Variants in NCK2 observed in about 807,000 individuals in gnomAD.
NCK2 encodes the protein cytoplasmic protein NCK2.
Under a neutral mutation model 33.9 loss-of-function variants are expected in NCK2, and 16 were observed. That is an observed-to-expected ratio of 0.47 (90% CI 0.32 to 0.72). The LOEUF (loss-of-function observed/expected upper bound fraction) is 0.72. Ranked by LOEUF, NCK2 falls within the 30% of genes least tolerant of loss-of-function variation. The pLI, the probability that NCK2 is intolerant of heterozygous loss-of-function variation, is 0.03. For synonymous variants in NCK2, 273 were observed against 239.9 expected, an observed-to-expected ratio of 1.14 and a Z score of -1.27; for missense variants, 418 against 537.3, an observed-to-expected ratio of 0.78 and a Z score of 2.19.
At chr2:105,761,169 C>T (rs1306044881) in intron 1 of NCK2, among the ~76,000 whole-genome samples, 3 of 152,192 alleles carry the variant, frequency 2.0e-5, no homozygotes, top group African/African-American at 7.2e-5. Flanking sequence ...TTCTGGGCAG[C>T]AGGGTTGTGC....
In NCK2 at chr2:105,751,254, C is replaced by A. The variant is rs534688456; in HGVS notation, c.-201+6116C>A. On this transcript the variant is annotated intron_variant, in intron 1 of 4. Coordinates refer to ENST00000233154, the MANE Select transcript of NCK2 (RefSeq NM_003581.5). ...ACTCGGTTATCCTTGAATTCTCCCT[C>A]AGCTCCCAACTAGTTATCAACCCCT... Among the ~76,000 whole-genome samples the A allele has an allele frequency of 3.9e-5, 6 of 152,346 alleles. No individual in the cohort carries two copies. In the East Asian group the frequency reaches 1.2e-3, roughly 29 times the overall value.
intron 1 of NCK2, among the ~76,000 whole-genome samples, chr2:105,811,987 C>T (rs1675309155): frequency 6.6e-6 from 1 of 152,156 alleles, no homozygotes; most frequent in African/African-American, 2.4e-5. Flanking sequence ...CAAACACCTG[C>T]CTTGGCCACT....
In NCK2 at chr2:105,765,145, A is replaced by T. The variant is rs185329573; in HGVS notation, c.-201+20007A>T. ...ACAAAGGGTTATGCCAGTTTTCAGT[A>T]GTGTGGAAGTATCAATTTCACCCAA... On this transcript the variant is annotated intron_variant, in intron 1 of 4. Coordinates refer to ENST00000233154, the MANE Select transcript of NCK2 (RefSeq NM_003581.5). Among the ~76,000 whole-genome samples, 32 of 152,214 alleles carry T rather than the reference A, an allele frequency of 2.1e-4. No individual in the cohort carries two copies. In the East Asian group the frequency reaches 4.1e-3, roughly 19 times the overall value.
At chr2:105,860,832 G>A (rs1392153566) in intron 3 of NCK2, among the ~76,000 whole-genome samples, 1 of 150,300 alleles carries the variant, frequency 6.7e-6, no homozygotes, top group Non-Finnish European at 1.5e-5. Context: ...CTCATGCTTG[G>A]ATTAACCATT....
intron 2 of NCK2, among the ~76,000 whole-genome samples, chr2:105,830,039 A>G (rs1187145906): frequency 6.6e-6 from 1 of 152,092 alleles, no homozygotes; most frequent in Non-Finnish European, 1.5e-5. Context: ...ATAGTGTGTA[A>G]TGATCAAATC....
chr2:105,796,976 G>T (rs946762714), intron 1 of NCK2, among the ~76,000 whole-genome samples: 1 of 152,122 alleles, frequency 6.6e-6, no homozygotes, highest in African/African-American at 2.4e-5. Context: ...CCCCTAGCTG[G>T]GGTGAGTGTT....
intron 3 of NCK2, among the ~76,000 whole-genome samples, chr2:105,880,197 T>C (rs1678414619): frequency 6.6e-6 from 1 of 152,242 alleles, no homozygotes. Context: ...CAGTACTTAC[T>C]GTAATTGTGT....
At position 105,855,049 on chromosome 2, in the gene NCK2, A is replaced by AG. The variant is rs1336110529; in HGVS notation, c.-13dup. The AG allele has an allele frequency of 6.2e-7, 1 of 1,608,730 alleles. No individual in the cohort carries two copies. Among genetic ancestry groups the AG allele is most frequent in the South Asian group, 1.1e-5 (1 of 90,974 alleles). ...CATCTCCAAATGTTTTGCTGGCAGA[A>AG]GGACTCCATGAAAGATGACAGAAGA... On this transcript the variant is annotated splice_region_variant and 5_prime_UTR_variant, in exon 3 of 5. Transcript: ENST00000233154.
At chr2:105,794,035 G>GT (rs1287950061) in intron 1 of NCK2, among the ~76,000 whole-genome samples, 1 of 146,114 alleles carries the variant, frequency 6.8e-6, no homozygotes, top group Non-Finnish European at 1.5e-5. Flanking sequence ...CTAAAATATT[G>GT]TATCTTTCGA....
At chr2:105,749,656 G>T (rs950846921) in intron 1 of NCK2, among the ~76,000 whole-genome samples, 1 of 152,062 alleles carries the variant, frequency 6.6e-6, no homozygotes, top group Non-Finnish European at 1.5e-5. Context: ...TGCCTTTGCC[G>T]TGTCGCAGCT....
chr2:105,788,391 T>C (rs932193121), intron 1 of NCK2, among the ~76,000 whole-genome samples: 1 of 152,182 alleles, frequency 6.6e-6, no homozygotes, highest in Admixed American at 6.5e-5. Context: ...GATGTTTCAG[T>C]CTTTTTTCCA....
At chr2:105,866,440 GC>G (rs1479135808) in intron 3 of NCK2, among the ~76,000 whole-genome samples, 1 of 152,172 alleles carries the variant, frequency 6.6e-6, no homozygotes, top group African/African-American at 2.4e-5. Context: ...AAACTTTTTG[GC>G]ACCAGGAACT....
chr2:105,746,430 G>A (rs1314924425), intron 1 of NCK2, among the ~76,000 whole-genome samples: 2 of 152,222 alleles, frequency 1.3e-5, no homozygotes, highest in South Asian at 2.1e-4. Context: ...TGTTTTTCAT[G>A]CCTCTGTTTT....
intron 2 of NCK2, among the ~76,000 whole-genome samples, chr2:105,829,695 A>G (rs1676092840): frequency 6.6e-6 from 1 of 152,118 alleles, no homozygotes; most frequent in African/African-American, 2.4e-5. Context: ...TACTCATCTC[A>G]TCACATCAAG....
upstream of NCK2, chr2:105,744,854 C>G (rs1455191099): frequency 6.6e-6 from 1 of 152,298 alleles, no homozygotes; most frequent in Non-Finnish European, 1.3e-5. Context: ...GCGCTGCGCG[C>G]CGGGGGAGGG....
At chr2:105,821,380 T>C (rs914422959) in intron 2 of NCK2, among the ~76,000 whole-genome samples, 7 of 152,162 alleles carry the variant, frequency 4.6e-5, no homozygotes, top group African/African-American at 1.7e-4. Context: ...CTTGTGGAGT[T>C]TCCGCCCAAA....
chr2:105,835,363 T>TTA (rs566542599), intron 2 of NCK2, among the ~76,000 whole-genome samples: 2,523 of 46,874 alleles, frequency 0.054, 83 homozygotes, highest in Non-Finnish European at 0.061. Flanking sequence ...TTGGCTGGTT[T>TTA]TATATATATA....
At chr2:105,774,329 A>G (rs778389825) in intron 1 of NCK2, among the ~76,000 whole-genome samples, 1 of 152,006 alleles carries the variant, frequency 6.6e-6, no homozygotes, top group Non-Finnish European at 1.5e-5. Context: ...TTAGTAACAG[A>G]TGTTTTAGGT....
intron 2 of NCK2, among the ~76,000 whole-genome samples, chr2:105,842,210 C>T (rs942287625): frequency 6.6e-6 from 1 of 152,054 alleles, no homozygotes; most frequent in African/African-American, 2.4e-5. Context: ...CTCAGCCTCC[C>T]AAGTAGCTAG....
Sources: allele counts gnomAD v4.1 joint callset (sites outside exome capture counted in the v4.1 genomes callset), GRCh38; gene constraint gnomAD v4.1.1; transcripts MANE v1.5; gene names NCBI Gene and HGNC (gene_info 2026-07-23, HGNC 2026-07-21).